MMS22L: variants seen among roughly 807,000 people sequenced by gnomAD.
MMS22L encodes the protein protein MMS22-like.
MMS22L carries 74 observed loss-of-function variants against 159.1 expected under a neutral mutation model. That is an observed-to-expected ratio of 0.47 (90% CI 0.39 to 0.56). The LOEUF is 0.56. Among genes scored for constraint, MMS22L ranks in the 20% least tolerant of loss-of-function variants. The pLI, the probability that MMS22L is intolerant of heterozygous loss-of-function variation, is 0.00. For missense variants in MMS22L, 1,351 were observed against 1,422.1 expected (o/e 0.95, Z 0.80); for synonymous variants, 517 against 506.9 (o/e 1.02, Z -0.27).
intron 18 of MMS22L, among the ~76,000 whole-genome samples, chr6:97,175,490 A>G (rs1283980069): frequency 6.6e-6 from 1 of 152,230 alleles, no homozygotes; most frequent in Admixed American, 6.5e-5. Flanking sequence ...GTCTGAAACC[A>G]TGTCAATAAA....
Position 97,149,975 on chromosome 6 carries a change from G to A in MMS22L, c.3528C>T (p.Tyr1176=), listed in dbSNP as rs762085682. The change falls in exon 24 of 25, where the codon TAC becomes TAT. Residue 1176 remains tyrosine (Y), a synonymous_variant. Coordinates refer to ENST00000683635, the MANE Select transcript of MMS22L (RefSeq NM_001350599.2). ...ATGTTGCTACTGTTTCTAAAATGCTGTAAACCTGGTAATAGTACCTCATAC... is the reference window on the plus strand; with the variant it reads ...ATGTTGCTACTGTTTCTAAAATGCTATAAACCTGGTAATAGTACCTCATAC... ...DYGMRYYYQV[Y]SILETVATLD... 5.6e-6 allele frequency: 9 copies of A among 1,613,580 alleles called. No homozygotes were observed. The highest frequency in any genetic ancestry group is 1.3e-5 in the African/African-American group (1 of 74,996).
chr6:97,222,281 T>C (rs1054636112), intron 14 of MMS22L, among the ~76,000 whole-genome samples: 2 of 152,022 alleles, frequency 1.3e-5, no homozygotes, highest in African/African-American at 4.8e-5. Flanking sequence ...AAGCAGATGA[T>C]CTTCTAGCCT....
At position 97,190,763 on chromosome 6, in the gene MMS22L, T is replaced by C. The variant is rs367953375; in HGVS notation, c.2040-4073A>G. On this transcript the variant is annotated intron_variant, in intron 14 of 24. Coordinates refer to ENST00000683635, the MANE Select transcript of MMS22L (RefSeq NM_001350599.2). ...ATTAGCATAGCTATCCAGAGCAGTG[T>C]GGCTTTGGAAAAACAAGTAACCTCC... is the stretch of plus-strand genomic sequence containing the variant. Among the ~76,000 whole-genome samples, 11 of 152,304 alleles carry C rather than the reference T, an allele frequency of 7.2e-5. No homozygotes were observed. In the East Asian group the frequency reaches 1.4e-3, roughly 19 times the overall value.
At position 97,171,034 on chromosome 6, in the gene MMS22L, AAG is replaced by A. The variant is rs760519493; in HGVS notation, c.2839+2027_2839+2028del. Among the ~76,000 whole-genome samples the A allele has an allele frequency of 5.9e-5, 9 of 152,130 alleles. No individual in the cohort carries two copies. In the East Asian group the frequency reaches 1.3e-3, roughly 23 times the overall value. On this transcript the variant is annotated intron_variant, in intron 19 of 24. Coordinates refer to ENST00000683635, the MANE Select transcript of MMS22L (RefSeq NM_001350599.2). ...AACAACAACAACAAAGAAAAACAAAAAGAACATTAAAAAATATATACTATTGC... is the reference window on the plus strand; with the variant it reads ...AACAACAACAACAAAGAAAAACAAAAAACATTAAAAAATATATACTATTGC...
chr6:97,198,864 C>A (rs1806827612), intron 14 of MMS22L, among the ~76,000 whole-genome samples: 1 of 152,084 alleles, frequency 6.6e-6, no homozygotes, highest in African/African-American at 2.4e-5. Flanking sequence ...GAAACATATG[C>A]TGAGACATTT....
chr6:97,258,044 T>C (rs1025606710), intron 9 of MMS22L, among the ~76,000 whole-genome samples: 1 of 152,164 alleles, frequency 6.6e-6, no homozygotes, highest in Non-Finnish European at 1.5e-5. Flanking sequence ...GAGCTTCCCT[T>C]TTCCCAATTT....
intron 15 of MMS22L, 24 bp from the exon 16 acceptor site, chr6:97,182,078 T>TA (rs1156430349): frequency 1.8e-5 from 29 of 1,592,234 alleles, no homozygotes; most frequent in Middle Eastern, 1.7e-4. Context: ...GAGAGAAACT[T>TA]AAAGTCAGGA....
Position 97,149,843 on chromosome 6 carries a change from T to A in MMS22L, c.3650+10A>T, listed in dbSNP as rs894885022. ...TGCCCCCCCCAATGTAATTAAATTA[T>A]CAAACATACCTTTGTGCTATATTCC... On this transcript the variant is annotated intron_variant, in intron 24 of 24. Transcript: ENST00000683635. 2 of 1,573,950 alleles carry A rather than the reference T, an allele frequency of 1.3e-6. No individual in the cohort carries two copies. The highest frequency in any genetic ancestry group is 2.4e-5 in the South Asian group (2 of 84,052).
intron 13 of MMS22L, chr6:97,230,217 C>T (rs1484131406): frequency 6.6e-6 from 1 of 151,844 alleles, no homozygotes; most frequent in Non-Finnish European, 1.5e-5. Flanking sequence ...CTGCCCCAGC[C>T]TCCTGAGTAG....
chr6:97,168,033 T>A (rs200432567), intron 20 of MMS22L, 38 bp downstream of exon 20: 64 of 1,503,982 alleles, frequency 4.3e-5, no homozygotes, highest in South Asian at 1.3e-4. Flanking sequence ...GTTTCAATAT[T>A]TTTTTTTTAA....
intron 14 of MMS22L, among the ~76,000 whole-genome samples, chr6:97,224,076 T>C (rs528341965): frequency 9.6e-4 from 146 of 152,286 alleles, no homozygotes; most frequent in African/African-American, 3.4e-3. Context: ...AGGAATCAAA[T>C]GTTATCAACA....
At chr6:97,261,481 T>C (rs901831647) in intron 9 of MMS22L, 1 of 152,178 alleles carries the variant, frequency 6.6e-6, no homozygotes, top group African/African-American at 2.4e-5. Flanking sequence ...TATTCTCTTA[T>C]GGTTTTCTTA....
chr6:97,152,562 GA>G (rs1303073298), intron 22 of MMS22L, among the ~76,000 whole-genome samples: 1 of 151,812 alleles, frequency 6.6e-6, no homozygotes, highest in African/African-American at 2.4e-5. Context: ...AGAAACCAGA[GA>G]AAAAAGTGCT....
chr6:97,151,704 A>G, intron 23 of MMS22L, 67 bp downstream of exon 23: 1 of 1,232,716 alleles, frequency 8.1e-7, no homozygotes. Context: ...TTAGTTATTT[A>G]AAAAACATGT....
intron 6 of MMS22L, chr6:97,270,483 C>A: frequency 3.2e-6 from 1 of 313,190 alleles, no homozygotes; most frequent in Admixed American, 4.3e-5. Flanking sequence ...ATTTACCTCT[C>A]AATTCATGTA....
rs1562510692 is a variant in MMS22L at position 97,254,621 on chromosome 6, C to A, written c.1055G>T (p.Trp352Leu). 1 of 1,613,542 alleles carries A rather than the reference C, an allele frequency of 6.2e-7. No individual in the cohort carries two copies. Among genetic ancestry groups the A allele is most frequent in the Non-Finnish European group, 8.5e-7 (1 of 1,179,744 alleles). The change falls in exon 10 of 25, where the codon TGG becomes TTG. Residue 352 changes from tryptophan (W) to leucine (L), a missense_variant. Coordinates refer to ENST00000683635, the MANE Select transcript of MMS22L (RefSeq NM_001350599.2). ...IQSRDPLGFS[W>L]WIITHVASFY... is the part of the protein sequence containing the mutation. ...TGATGCTACATGAGTAATAATCCAC[C>A]AACTAAAACCTAATGGATCCCTGGA...
intron 10 of MMS22L, among the ~76,000 whole-genome samples, chr6:97,251,460 T>C (rs1381202987): frequency 6.6e-6 from 1 of 152,208 alleles, no homozygotes; most frequent in Non-Finnish European, 1.5e-5. Flanking sequence ...AGAGAGCTTT[T>C]CTTTAAAAAC....
intron 22 of MMS22L, among the ~76,000 whole-genome samples, chr6:97,161,451 T>G (rs911817132): frequency 3.9e-5 from 6 of 152,012 alleles, no homozygotes; most frequent in Admixed American, 1.3e-4. Flanking sequence ...TATTCTGACC[T>G]AAGAGCTCTA....
chr6:97,276,162 T>G (rs1292337871), intron 4 of MMS22L, among the ~76,000 whole-genome samples: 3 of 152,200 alleles, frequency 2.0e-5, no homozygotes, highest in Non-Finnish European at 4.4e-5. Flanking sequence ...ACATAGGGAC[T>G]TCTTGGCACA....
Sources: gnomAD v4.1 joint callset for allele counts (sites outside exome capture counted in the v4.1 genomes callset) on GRCh38, gnomAD v4.1.1 for gene constraint, MANE v1.5 for transcripts, NCBI Gene and HGNC (gene_info 2026-07-23, HGNC 2026-07-21) for gene names.